The following HRH4 variants were observed in gnomAD, a reference collection of about 807,000 sequenced individuals.
HRH4 encodes histamine receptor H4, also known as histamine H4 receptor.
Under a neutral mutation model 10.4 loss-of-function variants are expected in HRH4, and 12 were observed. The ratio of observed to expected loss-of-function variants is 1.15; its 90% confidence interval spans 0.74 to 1.87. The LOEUF is 1.87. Ranked by LOEUF, HRH4 falls within the 40% of genes most tolerant of loss-of-function variation. The pLI is 0.00. For missense variants in HRH4, 415 were observed against 453.3 expected (o/e 0.92, Z 0.77); for synonymous variants, 154 against 166.6 (o/e 0.92, Z 0.58).
chr18:24,469,086 C>T, intron 2 of HRH4, 135 bp downstream of exon 2: 1 of 644,616 alleles, frequency 1.6e-6, no homozygotes, highest in Non-Finnish European at 2.5e-6. Flanking sequence ...CTTTTGTTGT[C>T]TGGCATAAAG....
rs56684563 is a variant in HRH4 at position 24,462,152 on chromosome 18, G to A, written c.193+1231G>A. Among the ~76,000 whole-genome samples, 869 of 152,308 alleles carry A rather than the reference G, an allele frequency of 5.7e-3. 7 individuals are homozygous for A. The highest frequency in any genetic ancestry group is 0.02 in the African/African-American group (824 of 41,536). On this transcript the variant is annotated intron_variant, in intron 1 of 2. Coordinates refer to ENST00000256906, the MANE Select transcript of HRH4 (RefSeq NM_021624.4). ...TTGCTCCAAGAATGAGCAAAGGCAT[G>A]CTGGTAGAAAATCATTGTGCTTATC...
chr18:24,474,936 G>A lies in HRH4; in HGVS notation c.358-1811G>A, dbSNP rs996370900. Among the ~76,000 whole-genome samples the A allele has an allele frequency of 3.8e-4, 57 of 151,858 alleles. 1 individual carries two copies. Among genetic ancestry groups the A allele is most frequent in the Admixed American group, 5.3e-4 (8 of 15,238 alleles). ...CCTGGCCTTGTGATCTGCCTGCCTC[G>A]GCCTCCCAAAGTGCTGGGATTACAG... On this transcript the variant is annotated intron_variant, in intron 2 of 2. Transcript: ENST00000256906.
At chr18:24,474,595 T>A (rs962714732) in intron 2 of HRH4, among the ~76,000 whole-genome samples, 3 of 151,784 alleles carry the variant, frequency 2.0e-5, no homozygotes, top group Admixed American at 6.6e-5. Flanking sequence ...AAAGGAAGCA[T>A]GTACCAATTT....
At chr18:24,469,939 G>A (rs974117695) in intron 2 of HRH4, among the ~76,000 whole-genome samples, 3 of 151,986 alleles carry the variant, frequency 2.0e-5, no homozygotes, top group African/African-American at 7.3e-5. Flanking sequence ...GGTAGGCCCC[G>A]GTATCTATTG....
At chr18:24,475,647 A>G (rs1380176135) in intron 2 of HRH4, among the ~76,000 whole-genome samples, 2 of 152,178 alleles carry the variant, frequency 1.3e-5, no homozygotes, top group African/African-American at 2.4e-5. Flanking sequence ...TGAACAAACA[A>G]ACAAACACCA....
At position 24,460,761 on chromosome 18, in the gene HRH4, A is replaced by T; in HGVS notation, c.33A>T (p.Ser11=). ...ATACTAATAGCACAATCAATTTATC[A>T]CTAAGCACTCGTGTTACTTTAGCAT... MPDTNSTINL[S]LSTRVTLAFF... Residue 11 remains serine (S), a synonymous_variant, in exon 1 of 3, where the codon TCA becomes TCT. Transcript: ENST00000256906. 1 of 1,528,576 alleles carries T rather than the reference A, an allele frequency of 6.5e-7. No homozygotes were observed. Among genetic ancestry groups the T allele is most frequent in the Non-Finnish European group, 8.9e-7 (1 of 1,123,962 alleles). The allele number at this position is 1,528,576 out of a possible 1,614,324, so 94.7% of individuals were successfully genotyped here.
In HRH4 at chr18:24,477,004, T is replaced by C. The variant is rs757334783; in HGVS notation, c.615T>C (p.Asp205=). Residue 205 remains aspartate, a synonymous_variant, in exon 3 of 3, where the codon GAT becomes GAC. Transcript: ENST00000256906. The stretch of plus-strand genomic sequence containing the variant: ...TTTATTGGAGCCTGTGGAAGCGTGA[T>C]CATCTCAGTAGGTGCCAAAGCCATC... ...MNIYWSLWKR[D]HLSRCQSHPG... The C allele has an allele frequency of 6.2e-7, 1 of 1,614,208 alleles. No homozygotes were observed. Among genetic ancestry groups the C allele is most frequent in the Non-Finnish European group, 8.5e-7 (1 of 1,180,030 alleles).
Position 24,476,873 on chromosome 18 carries a change from A to G in HRH4, c.484A>G (p.Ser162Gly), listed in dbSNP as rs764553661. The G allele has an allele frequency of 1.7e-5, 28 of 1,614,084 alleles. No individual in the cohort carries two copies. The Admixed American group carries it at 4.7e-4, about 27-fold the overall frequency. ...TTCAGAGTCTTGGAAGGATGAAGGT[A>G]GTGAATGTGAACCTGGATTTTTTTC... The part of the protein sequence containing the change: ...LVSESWKDEG[S>G]ECEPGFFSEW... Residue 162 changes from serine to glycine, a missense_variant, in exon 3 of 3, where the codon AGT becomes GGT. By Grantham distance (56) the Ser-to-Gly change is moderately conservative. Coordinates refer to ENST00000256906, the MANE Select transcript of HRH4 (RefSeq NM_021624.4).
At chr18:24,463,140 C>T (rs1909684929) in intron 1 of HRH4, among the ~76,000 whole-genome samples, 1 of 152,226 alleles carries the variant, frequency 6.6e-6, no homozygotes, top group African/African-American at 2.4e-5. Flanking sequence ...CCAAGACCAG[C>T]ATCATGGCAG....
intron 1 of HRH4, among the ~76,000 whole-genome samples, chr18:24,462,235 G>A (rs1016368064): frequency 3.3e-5 from 5 of 152,188 alleles, no homozygotes; most frequent in African/African-American, 7.2e-5. Flanking sequence ...CAGGGGAGCC[G>A]TAGAGATGAA....
At chr18:24,474,143 T>A (rs1286461121) in intron 2 of HRH4, among the ~76,000 whole-genome samples, 7 of 152,210 alleles carry the variant, frequency 4.6e-5, no homozygotes, top group Non-Finnish European at 8.8e-5. Context: ...TTACCAAGGC[T>A]GAGCAGAGCA....
chr18:24,463,356 C>T (rs775428018), intron 1 of HRH4, among the ~76,000 whole-genome samples: 2 of 152,230 alleles, frequency 1.3e-5, no homozygotes, highest in African/African-American at 4.8e-5. Flanking sequence ...CCCCTGCCTC[C>T]TGCCAGCTTC....
At chr18:24,461,420 C>T (rs1909634550) in intron 1 of HRH4, among the ~76,000 whole-genome samples, 2 of 151,860 alleles carry the variant, frequency 1.3e-5, no homozygotes, top group Admixed American at 1.3e-4. Context: ...TAAAATATAC[C>T]CAACTGTAAA....
intron 2 of HRH4, among the ~76,000 whole-genome samples, chr18:24,470,093 T>C (rs1373432204): frequency 6.6e-6 from 1 of 152,182 alleles, no homozygotes; most frequent in East Asian, 1.9e-4. Flanking sequence ...CCTGGGACGA[T>C]TGTGCAGCTG....
chr18:24,468,973 T>C, intron 2 of HRH4, 22 bp downstream of exon 2: 2 of 1,570,048 alleles, frequency 1.3e-6, no homozygotes, highest in Middle Eastern at 1.8e-4. Flanking sequence ...CATTAATTTA[T>C]CCCCCTTAGA....
intron 1 of HRH4, among the ~76,000 whole-genome samples, chr18:24,468,024 C>G (rs1008072568): frequency 1.3e-5 from 2 of 152,082 alleles, no homozygotes; most frequent in African/African-American, 2.4e-5. Flanking sequence ...AATACAAGAC[C>G]TGTACTTAAT....
At chr18:24,474,119 A>G (rs1910062910) in intron 2 of HRH4, among the ~76,000 whole-genome samples, 1 of 152,180 alleles carries the variant, frequency 6.6e-6, no homozygotes, top group Non-Finnish European at 1.5e-5. Flanking sequence ...TTTCCAACAT[A>G]TTGTGTTATA....
At chr18:24,470,554 A>G (rs1195458226) in intron 2 of HRH4, among the ~76,000 whole-genome samples, 1 of 136,098 alleles carries the variant, frequency 7.3e-6, no homozygotes, top group Non-Finnish European at 1.5e-5. Context: ...CCCAGGCTGG[A>G]GTGCAATGCC....
At position 24,477,733 on chromosome 18, in the gene HRH4, A is replaced by ATTAT; in HGVS notation, c.*171_*172insTTAT. 1.9e-6 allele frequency: 1 copy of ATTAT among 520,634 alleles called. No homozygotes were observed. Among genetic ancestry groups the ATTAT allele is most frequent in the Non-Finnish European group, 3.4e-6 (1 of 297,090 alleles). 32.3% of individuals were successfully genotyped at this position (520,634 alleles called of 1,614,324 possible). A position where few individuals can be genotyped will look rare whatever the true frequency, so the allele number is the denominator to read the frequency against. On this transcript the variant is annotated 3_prime_UTR_variant, in exon 3 of 3. Transcript: ENST00000256906. ...ATATGACTTGATAATATTTTTGTAA[A>ATTAT]CTTGTAGTCATAATAGTACTATATT...
Sources: allele counts gnomAD v4.1 joint callset (sites outside exome capture counted in the v4.1 genomes callset), GRCh38; gene constraint gnomAD v4.1.1; transcripts MANE v1.5; gene names NCBI Gene and HGNC (gene_info 2026-07-23, HGNC 2026-07-21).